ERAP1: variants seen among roughly 807,000 people sequenced by gnomAD.
ERAP1 encodes the protein endoplasmic reticulum aminopeptidase 1.
A neutral mutation model predicts 103.7 loss-of-function variants in ERAP1; 86 were observed. That is an observed-to-expected ratio of 0.83 (90% CI 0.70 to 0.99). The LOEUF (loss-of-function observed/expected upper bound fraction) is 0.99. Among genes scored for constraint, ERAP1 ranks in the 50% least tolerant of loss-of-function variants. The pLI is 0.00. For synonymous variants in ERAP1, 398 were observed against 402.4 expected (o/e 0.99, Z 0.13); for missense variants, 1,009 against 1,128.4 (o/e 0.89, Z 1.52).
At chr5:96,815,625 T>A in the ERAP1 span, among the ~76,000 whole-genome samples, 1 of 152,140 alleles carries the variant, frequency 6.6e-6, no homozygotes, top group African/African-American at 2.4e-5. Flanking sequence ...TTGGTCAGGC[T>A]GGTCTTGAAC....
At chr5:96,777,008 T>C in intron 18 of ERAP1, 1 of 158,028 alleles carries the variant, frequency 6.3e-6, no homozygotes, top group East Asian at 1.8e-4. Context: ...ATAGAAACAC[T>C]GTGGGGAATG....
the ERAP1 span, among the ~76,000 whole-genome samples, chr5:96,821,149 G>A: frequency 2.2e-4 from 33 of 152,014 alleles, no homozygotes; most frequent in Non-Finnish European, 4.4e-5. Flanking sequence ...TCTTCCTCAG[G>A]GTACCTCAAT....
At position 96,785,717 on chromosome 5, in the gene ERAP1, T is replaced by C. The variant is rs1363058527; in HGVS notation, c.1943+71A>G. 14 of 1,530,444 alleles carry C rather than the reference T, an allele frequency of 9.1e-6. No homozygotes were observed. In the Admixed American group the frequency reaches 2.4e-4, roughly 27 times the overall value. The allele number at this position is 1,530,444 out of a possible 1,614,324, so 94.8% of individuals were successfully genotyped here. A position where few individuals can be genotyped will look rare whatever the true frequency, so the allele number is the denominator to read the frequency against. On this transcript the variant is annotated intron_variant, in intron 13 of 18. Transcript: ENST00000443439. ...GTTATCAATCAATCATTTTTGTCTT[T>C]AGAAATCAAGAATTTGAACAATAAC...
intron 1 of ERAP1, 107 bp from the exon 2 acceptor site, chr5:96,804,050 C>A: frequency 8.0e-7 from 1 of 1,250,064 alleles, no homozygotes; most frequent in South Asian, 1.3e-5. Flanking sequence ...TAGGCATAAA[C>A]TTCCAAAAGT....
the ERAP1 span, chr5:96,901,824 T>A: frequency 1.3e-6 from 1 of 790,510 alleles, no homozygotes; most frequent in Middle Eastern, 3.9e-4. Context: ...CTTGATAAGA[T>A]TTAAAGAGCT....
chr5:96,905,944 A>ATT, the ERAP1 span, among the ~76,000 whole-genome samples: 159 of 139,618 alleles, frequency 1.1e-3, 2 homozygotes, highest in South Asian at 2.0e-3. Context: ...TTTCTTTTTA[A>ATT]TTTTTTTTTT....
chr5:96,775,763 CCG>C lies in ERAP1; in HGVS notation c.*631_*632del. The stretch of plus-strand genomic sequence containing the variant: ...GCTAAGACCCTCAGGGGAGGCCAGC[CCG>C]AGGCATCCCGCAAGGGAATCAGGGA... On this transcript the variant is annotated 3_prime_UTR_variant, in exon 19 of 19. Coordinates refer to ENST00000443439, the MANE Select transcript of ERAP1 (RefSeq NM_001040458.3). 1 of 211,712 alleles carries C rather than the reference CCG, an allele frequency of 4.7e-6. No individual in the cohort carries two copies. Among genetic ancestry groups the C allele is most frequent in the South Asian group, 1.7e-4 (1 of 6,050 alleles). 13.1% of individuals were successfully genotyped at this position (211,712 alleles called of 1,614,324 possible). A position where few individuals can be genotyped will look rare whatever the true frequency, so the allele number is the denominator to read the frequency against.
the ERAP1 span, chr5:96,879,510 A>G: frequency 7.0e-6 from 4 of 570,718 alleles, no homozygotes; most frequent in South Asian, 5.1e-5. Flanking sequence ...TTAAGATTTT[A>G]TTTGTAAATT....
intron 1 of ERAP1, chr5:96,806,187 C>T (rs902299328): frequency 1.3e-5 from 2 of 152,174 alleles, no homozygotes; most frequent in African/African-American, 4.8e-5. Flanking sequence ...TTTGGCTTTG[C>T]TTCCAATAGT....
chr5:96,898,230 T>TA, the ERAP1 span, among the ~76,000 whole-genome samples: 1 of 151,838 alleles, frequency 6.6e-6, no homozygotes, highest in African/African-American at 2.4e-5. Flanking sequence ...TAATAATAAA[T>TA]AAAAAATCAA....
intron 18 of ERAP1, among the ~76,000 whole-genome samples, chr5:96,779,036 G>A (rs745401945): frequency 1.5e-4 from 23 of 152,092 alleles, no homozygotes; most frequent in African/African-American, 5.3e-4. Flanking sequence ...CATTTCCTTC[G>A]ATATCTTCTC....
chr5:96,866,045 T>C, the ERAP1 span, among the ~76,000 whole-genome samples: 94 of 152,388 alleles, frequency 6.2e-4, no homozygotes, highest in Non-Finnish European at 1.1e-3. Flanking sequence ...GTAACATCTA[T>C]TTGTAACATT....
At chr5:96,808,321 G>C (rs568178789), upstream of ERAP1, 1 of 580,952 alleles carries the variant, frequency 1.7e-6, no homozygotes, top group Non-Finnish European at 2.1e-6. Flanking sequence ...GCGAGGGTTA[G>C]GGGCATGCAG....
intron 6 of ERAP1, 76 bp downstream of exon 6, chr5:96,793,727 T>G (rs1169608911): frequency 1.5e-6 from 2 of 1,352,370 alleles, no homozygotes; most frequent in Non-Finnish European, 2.0e-6. Context: ...AAAAATTATA[T>G]AAATAGCCTT....
At chr5:96,810,352 T>C (rs1779081925), upstream of ERAP1, among the ~76,000 whole-genome samples, 1 of 152,142 alleles carries the variant, frequency 6.6e-6, no homozygotes, top group South Asian at 2.1e-4. Context: ...AGAGAAAGGG[T>C]ACCTAGGTTT....
chr5:96,843,343 A>G, the ERAP1 span, among the ~76,000 whole-genome samples: 340 of 152,300 alleles, frequency 2.2e-3, 1 homozygote, highest in Non-Finnish European at 3.6e-3. Context: ...GTGAAGTTAC[A>G]AAGTTACACC....
At chr5:96,884,453 G>C in the ERAP1 span, among the ~76,000 whole-genome samples, 11 of 151,516 alleles carry the variant, frequency 7.3e-5, no homozygotes, top group Non-Finnish European at 1.5e-4. Flanking sequence ...AAGAAATTCT[G>C]ATCTAGAAGT....
At chr5:96,917,141 C>T in the ERAP1 span, among the ~76,000 whole-genome samples, 4 of 152,168 alleles carry the variant, frequency 2.6e-5, no homozygotes, top group Non-Finnish European at 5.9e-5. Context: ...CTGCCTCGCT[C>T]TGTCAGCCAG....
At chr5:96,782,767 C>A (rs1775399359) in intron 15 of ERAP1, among the ~76,000 whole-genome samples, 1 of 152,198 alleles carries the variant, frequency 6.6e-6, no homozygotes, top group African/African-American at 2.4e-5. Flanking sequence ...TATGGCATGG[C>A]TGTCACCGTT....
Sources: gnomAD v4.1 joint callset for allele counts (sites outside exome capture counted in the v4.1 genomes callset) on GRCh38, gnomAD v4.1.1 for gene constraint, MANE v1.5 for transcripts, NCBI Gene and HGNC (gene_info 2026-07-23, HGNC 2026-07-21) for gene names.